Variants in USP34 observed in about 807,000 individuals in gnomAD.
USP34 encodes the protein ubiquitin carboxyl-terminal hydrolase 34.
In USP34, 70 loss-of-function variants were observed where a neutral mutation model predicts 460.3. The observed-to-expected ratio is 0.15, with a 90% CI of 0.13 to 0.19. The LOEUF (loss-of-function observed/expected upper bound fraction) is 0.19. USP34 is among the 10% of genes least tolerant of loss of function. The pLI, the probability that USP34 is intolerant of heterozygous loss-of-function variation, is 1.00. For synonymous variants in USP34, 1,647 were observed against 1,405.3 expected, an observed-to-expected ratio of 1.17 and a Z score of -3.85; for missense variants, 3,985 against 4,236.2, an observed-to-expected ratio of 0.94 and a Z score of 1.65.
At chr2:61,240,766 G>A (rs1688232296) in intron 53 of USP34, among the ~76,000 whole-genome samples, 1 of 151,856 alleles carries the variant, frequency 6.6e-6, no homozygotes, top group South Asian at 2.1e-4. Flanking sequence ...TACAGCTGCA[G>A]TTTTGCCATG....
At chr2:61,463,007 A>G (rs780958993) in intron 1 of USP34, among the ~76,000 whole-genome samples, 14 of 151,614 alleles carry the variant, frequency 9.2e-5, no homozygotes, top group Non-Finnish European at 1.8e-4. Flanking sequence ...TCCAGCCTGG[A>G]TGACAGAATA....
intron 27 of USP34, among the ~76,000 whole-genome samples, chr2:61,309,696 G>C (rs1468946057): frequency 6.6e-6 from 1 of 152,122 alleles, no homozygotes; most frequent in Non-Finnish European, 1.5e-5. Context: ...ATTCTGCTTT[G>C]ATCTACTCCT....
chr2:61,280,961 C>T (rs754518858), intron 38 of USP34, 129 bp downstream of exon 38: 3 of 999,226 alleles, frequency 3.0e-6, no homozygotes, highest in Non-Finnish European at 2.9e-6. Flanking sequence ...TATATAACTA[C>T]TATCCTCTTG....
chr2:61,207,086 C>G, intron 70 of USP34, 200 bp from the exon 71 acceptor site: 1 of 509,354 alleles, frequency 2.0e-6, no homozygotes. Flanking sequence ...CTTCAGAGCT[C>G]TGCTATTTTG....
intron 3 of USP34, among the ~76,000 whole-genome samples, chr2:61,400,778 G>A (rs1693693186): frequency 6.6e-6 from 1 of 152,074 alleles, no homozygotes; most frequent in African/African-American, 2.4e-5. Flanking sequence ...TTGAGTCCAG[G>A]AGTTCAAGGC....
chr2:61,318,839 C>T (rs1258829639), intron 22 of USP34, among the ~76,000 whole-genome samples: 1 of 152,076 alleles, frequency 6.6e-6, no homozygotes, highest in Non-Finnish European at 1.5e-5. Flanking sequence ...GTGTGGGCAC[C>T]ACCCCTGAAA....
Position 61,391,256 on chromosome 2 carries a change from G to C in USP34, c.753+3597C>G, listed in dbSNP as rs1288415108. On this transcript the variant is annotated intron_variant, in intron 5 of 79. Transcript: ENST00000398571. ...AGCCCAGGAGTTCAAGACCAGCCTG[G>C]GGAACATGGTGAAACACTACCTCTA... Among the ~76,000 whole-genome samples the C allele has an allele frequency of 4.6e-5, 7 of 152,144 alleles. No individual in the cohort carries two copies. In the East Asian group the frequency reaches 1.4e-3, roughly 29 times the overall value.
chr2:61,394,745 T>A lies in USP34; in HGVS notation c.753+108A>T, dbSNP rs958412639. On this transcript the variant is annotated intron_variant, in intron 5 of 79. Transcript: ENST00000398571. Reference sequence around the variant, plus strand: ...CTCATTTTGTCAAAATAAAAAAAAATTACACATGCAAATCATTCAAAACCT... The same window carrying A: ...CTCATTTTGTCAAAATAAAAAAAAAATACACATGCAAATCATTCAAAACCT... 5 of 827,534 alleles carry A rather than the reference T, an allele frequency of 6.0e-6. No individual in the cohort carries two copies. The African/African-American group carries it at 7.2e-5, about 12-fold the overall frequency. 51.3% of individuals were successfully genotyped at this position (827,534 alleles called of 1,614,324 possible).
intron 41 of USP34, among the ~76,000 whole-genome samples, chr2:61,273,394 A>G (rs1224595021): frequency 6.6e-6 from 1 of 152,220 alleles, no homozygotes; most frequent in African/African-American, 2.4e-5. Context: ...ATAAACAGCC[A>G]GGAAAATACT....
intron 1 of USP34, among the ~76,000 whole-genome samples, chr2:61,440,371 G>A (rs903107162): frequency 1.3e-5 from 2 of 152,136 alleles, no homozygotes; most frequent in East Asian, 1.9e-4. Flanking sequence ...AATGGCTGCT[G>A]TATGAAATGT....
rs201100445 is a variant in USP34 at position 61,293,507 on chromosome 2, T to C, written c.4505A>G (p.Asn1502Ser). Residue 1502 changes from asparagine to serine, a missense_variant, in exon 33 of 80, where the codon AAT becomes AGT. By Grantham distance (46) the Asn-to-Ser change is conservative. This residue lies in a region of USP34 where 1,114 missense variants were observed against 1,122.5 expected (regional missense o/e 0.99). Transcript: ENST00000398571. The stretch of plus-strand genomic sequence containing the variant: ...CTCTTTAGGCTCTAGAATTCCAGAA[T>C]TAAAAATTTCTAATAACTGTTGAAG... ...GGLQQLLEIF[N>S]SGILEPKEQE... 119 of 1,612,922 alleles carry C rather than the reference T, an allele frequency of 7.4e-5. No homozygotes were observed. The Middle Eastern group carries it at 1.5e-3, about 20-fold the overall frequency.
chr2:61,194,851 G>T (rs1319610250), intron 75 of USP34, among the ~76,000 whole-genome samples: 2 of 152,102 alleles, frequency 1.3e-5, no homozygotes, highest in African/African-American at 4.8e-5. Flanking sequence ...TACTTGGGAG[G>T]CTGACGCAGG....
In USP34 at chr2:61,471,053, ACGC is replaced by A; in HGVS notation, c.-364_-362del. ...CGACCAGACGCCGCGGCCACCGCCG[ACGC>A]CGCCGCCATTTTAACAGAGCGCTCG... On this transcript the variant is annotated 5_prime_UTR_variant, in exon 1 of 80. Transcript: ENST00000398571. The A allele has an allele frequency of 6.0e-6, 1 of 165,690 alleles. No individual in the cohort carries two copies. The highest frequency in any genetic ancestry group is 1.4e-4 in the South Asian group (1 of 7,042). 10.3% of individuals were successfully genotyped at this position (165,690 alleles called of 1,614,324 possible). A position where few individuals can be genotyped will look rare whatever the true frequency, so the allele number is the denominator to read the frequency against.
In USP34 at chr2:61,370,526, T is replaced by A. The variant is rs1329763837; in HGVS notation, c.1130A>T (p.His377Leu). ...DWLISNNVVE[H>L]IFGPNLHIEI... ...AATATGTAAATTTGGTCCAAATATA[T>A]GCTCCACCACATTGTTGCTAATAAG... is the stretch of plus-strand genomic sequence containing the variant. The change falls in exon 9 of 80, where the codon CAT becomes CTT. Residue 377 changes from histidine to leucine, a missense_variant. By Grantham distance (99) the His-to-Leu change is moderately conservative. Transcript: ENST00000398571. The A allele has an allele frequency of 1.7e-5, 28 of 1,614,028 alleles. No individual in the cohort carries two copies. The highest frequency in any genetic ancestry group is 2.4e-5 in the Non-Finnish European group (28 of 1,179,936).
chr2:61,437,665 C>T (rs1194969409), intron 1 of USP34, among the ~76,000 whole-genome samples: 3 of 151,854 alleles, frequency 2.0e-5, no homozygotes. Flanking sequence ...CCCAGCTAGT[C>T]GGGAGGCTGA....
chr2:61,280,261 T>C lies in USP34; in HGVS notation c.5239A>G (p.Ile1747Val), dbSNP rs942173786. 6 of 1,554,688 alleles carry C rather than the reference T, an allele frequency of 3.9e-6. No homozygotes were observed. Among genetic ancestry groups the C allele is most frequent in the South Asian group, 2.5e-5 (2 of 80,288 alleles). Residue 1747 changes from isoleucine to valine, a missense_variant, in exon 39 of 80, where the codon ATA becomes GTA. This residue lies in a region of USP34 where 1,114 missense variants were observed against 1,122.5 expected (regional missense o/e 0.99). Transcript: ENST00000398571. ...GAACATACCTGACTAGCGTCCTTTA[T>C]ATGTATGTTGTCAACTAATTTGCAT... is the stretch of plus-strand genomic sequence containing the variant. ...LLCKLVDNIH[I>V]KDASQTTLLD...
At position 61,223,300 on chromosome 2, in the gene USP34, A is replaced by T. The variant is rs1183951558; in HGVS notation, c.7596-4T>A. 6.2e-7 allele frequency: 1 copy of T among 1,613,270 alleles called. No homozygotes were observed. Among genetic ancestry groups the T allele is most frequent in the South Asian group, 1.1e-5 (1 of 90,842 alleles). The stretch of plus-strand genomic sequence containing the variant: ...AGTCTGTGATAATGTCAAATGCCTG[A>T]AAGAAAATATTAGTGGAAATAAGTT... On this transcript the variant is annotated splice_polypyrimidine_tract_variant and splice_region_variant and intron_variant, in intron 62 of 79. Coordinates refer to ENST00000398571, the MANE Select transcript of USP34 (RefSeq NM_014709.4).
In USP34 at chr2:61,296,808, C is replaced by T. The variant is rs1371070054; in HGVS notation, c.4246G>A (p.Asp1416Asn). Reference protein sequence around the residue: ...NMLMAFQNISDEQSNDGFNWK... With the variant: ...NMLMAFQNISNEQSNDGFNWK... ...AGATTTTGTGGGCTCACCTGCTCAT[C>T]TGAGATATTCTGGAATGCCATCAAC... Residue 1416 changes from aspartate (D) to asparagine (N), a missense_variant, in exon 30 of 80, where the codon GAT becomes AAT. Asp to Asn is a conservative substitution (Grantham distance 23). Around this residue, in one of 14 missense-constraint regions of USP34, gnomAD observed 1,114 missense variants for 1,122.5 expected, o/e 0.99. Coordinates refer to ENST00000398571, the MANE Select transcript of USP34 (RefSeq NM_014709.4). The T allele has an allele frequency of 3.7e-6, 6 of 1,612,314 alleles. No homozygotes were observed. Among genetic ancestry groups the T allele is most frequent in the Non-Finnish European group, 5.1e-6 (6 of 1,179,450 alleles).
rs561013051 is a variant in USP34, at chr2:61,223,541, A to G, written c.7596-245T>C. The G allele has an allele frequency of 1.3e-5, 6 of 459,156 alleles. No individual in the cohort carries two copies. In the East Asian group the frequency reaches 1.6e-4, roughly 12 times the overall value. 28.4% of individuals were successfully genotyped at this position (459,156 alleles called of 1,614,324 possible). ...TTTAATTAACTTACTATTTTAGTAT[A>G]TAAAACAGTAGGATGGGTCTTATTT... is the stretch of plus-strand genomic sequence containing the variant. On this transcript the variant is annotated intron_variant, in intron 62 of 79. Transcript: ENST00000398571.
Sources: allele counts gnomAD v4.1 joint callset (sites outside exome capture counted in the v4.1 genomes callset), GRCh38; gene constraint gnomAD v4.1.1; regional missense constraint gnomAD v4.1.1; transcripts MANE v1.5; gene names NCBI Gene and HGNC (gene_info 2026-07-23, HGNC 2026-07-21).